The following LPAR1 variants were observed in gnomAD, a reference collection of about 807,000 sequenced individuals.
LPAR1 encodes the protein LPA receptor 1.
Under a neutral mutation model 23.8 loss-of-function variants are expected in LPAR1, and 5 were observed. The observed-to-expected ratio is 0.21, with a 90% CI of 0.11 to 0.44. LPAR1 has a LOEUF of 0.44. LPAR1 is among the 20% of genes least tolerant of loss of function. LPAR1 has a pLI of 0.99. For missense variants in LPAR1, 311 were observed against 482.8 expected, an observed-to-expected ratio of 0.64 and a Z score of 3.33; for synonymous variants, 160 against 164.7, an observed-to-expected ratio of 0.97 and a Z score of 0.22.
chr9:110,923,308 T>TGACC (rs1564475428), intron 5 of LPAR1, among the ~76,000 whole-genome samples: 2 of 152,190 alleles, frequency 1.3e-5, no homozygotes, highest in Admixed American at 6.5e-5. Context: ...TGACTTACAA[T>TGACC]GGTTTGATTT....
intron 5 of LPAR1, among the ~76,000 whole-genome samples, chr9:110,933,128 G>T (rs1388259118): frequency 1.3e-5 from 2 of 152,214 alleles, no homozygotes; most frequent in Non-Finnish European, 2.9e-5. Context: ...AACAAGTAGG[G>T]TGTAGGCAAA....
chr9:110,907,592 C>A (rs188632949), intron 5 of LPAR1, among the ~76,000 whole-genome samples: 11 of 152,246 alleles, frequency 7.2e-5, no homozygotes, highest in African/African-American at 1.7e-4. Context: ...ATTCTATATT[C>A]TCTCTTGACA....
intron 2 of LPAR1, among the ~76,000 whole-genome samples, chr9:111,011,896 T>C (rs1043765202): frequency 2.6e-5 from 4 of 152,152 alleles, no homozygotes; most frequent in Non-Finnish European, 4.4e-5. Context: ...TAATAATAAC[T>C]AAAGTCCCCA....
chr9:111,023,027 G>T (rs1194245961), intron 2 of LPAR1, among the ~76,000 whole-genome samples: 3 of 142,194 alleles, frequency 2.1e-5, no homozygotes, highest in African/African-American at 7.9e-5. Flanking sequence ...CTCCAGCCTG[G>T]GTGACACAGC....
intron 5 of LPAR1, among the ~76,000 whole-genome samples, chr9:110,893,396 T>C (rs1217455477): frequency 6.6e-6 from 1 of 152,200 alleles, no homozygotes; most frequent in South Asian, 2.1e-4. Flanking sequence ...ATTAAGCAGA[T>C]TGGCACTGCT....
At chr9:110,958,232 A>C (rs1213144289) in intron 4 of LPAR1, among the ~76,000 whole-genome samples, 1 of 152,226 alleles carries the variant, frequency 6.6e-6, no homozygotes, top group Admixed American at 6.5e-5. Context: ...AAACAATCCC[A>C]AAATTCATAC....
intron 4 of LPAR1, among the ~76,000 whole-genome samples, chr9:110,959,167 C>G (rs1411759283): frequency 4.9e-5 from 1 of 20,328 alleles, no homozygotes; most frequent in Non-Finnish European, 7.5e-5. Flanking sequence ...GAAGATGTCT[C>G]TACAAAAAAA....
chr9:110,894,832 G>A (rs905503442), intron 5 of LPAR1, among the ~76,000 whole-genome samples: 10 of 150,608 alleles, frequency 6.6e-5, no homozygotes, highest in Middle Eastern at 3.2e-3. Flanking sequence ...CCTGGGCAAC[G>A]AGCTGAAACC....
chr9:110,977,101 A>G (rs2096569136), intron 2 of LPAR1, among the ~76,000 whole-genome samples: 1 of 152,210 alleles, frequency 6.6e-6, no homozygotes, highest in Non-Finnish European at 1.5e-5. Context: ...GGACTAAAAC[A>G]CGATATCCTC....
intron 4 of LPAR1, among the ~76,000 whole-genome samples, chr9:110,947,852 A>G (rs1299407498): frequency 1.3e-5 from 2 of 152,240 alleles, no homozygotes; most frequent in Non-Finnish European, 2.9e-5. Flanking sequence ...ATGAATGTAA[A>G]TATGTACTCT....
At chr9:111,030,035 G>A (rs1287245072) in intron 2 of LPAR1, among the ~76,000 whole-genome samples, 1 of 129,014 alleles carries the variant, frequency 7.8e-6, no homozygotes, top group South Asian at 2.5e-4. Context: ...AATAAAGTGA[G>A]GCTCTGCCTC....
Position 110,875,497 on chromosome 9 carries a change from C to A in LPAR1, c.1019G>T (p.Gly340Val). The stretch of plus-strand genomic sequence containing the variant: ...GAGGGAGGAAGCCGAGCGGTCTGAG[C>A]CTTCTGTGGGGCCGGTGGGGTTCTC... ...RSENPTGPTE[G>V]SDRSASSLNH... Residue 340 changes from glycine (G) to valine (V), a missense_variant, in exon 6 of 6, where the codon GGC becomes GTC. By Grantham distance (109) the Gly-to-Val change is moderately radical. Transcript: ENST00000683809. The A allele has an allele frequency of 6.2e-7, 1 of 1,614,024 alleles. No homozygotes were observed. The highest frequency in any genetic ancestry group is 1.7e-5 in the Admixed American group (1 of 59,992).
intron 4 of LPAR1, among the ~76,000 whole-genome samples, chr9:110,961,229 A>T (rs1785388128): frequency 7.5e-6 from 1 of 134,202 alleles, no homozygotes; most frequent in African/African-American, 2.7e-5. Context: ...AAAAAAAAAA[A>T]GCCAAATGTG....
At chr9:111,006,824 A>G (rs1025092457) in intron 2 of LPAR1, among the ~76,000 whole-genome samples, 6 of 152,188 alleles carry the variant, frequency 3.9e-5, no homozygotes, top group Non-Finnish European at 8.8e-5. Flanking sequence ...AGACTGATAA[A>G]GGTAACTACC....
intron 2 of LPAR1, among the ~76,000 whole-genome samples, chr9:111,011,689 A>G (rs149249776): frequency 9.5e-4 from 145 of 152,236 alleles, no homozygotes; most frequent in African/African-American, 3.3e-3. Context: ...CAAGGATGAC[A>G]CCTAAAACAC....
chr9:110,961,668 C>T lies in LPAR1; in HGVS notation c.45+10405G>A, dbSNP rs375877330. On this transcript the variant is annotated intron_variant, in intron 4 of 5. Transcript: ENST00000683809. ...AAGAAAGAAAAAGAGGTTTAATGGA[C>T]TCACAGTTCCACATGTCTGGGGAGG... is the stretch of plus-strand genomic sequence containing the variant. Among the ~76,000 whole-genome samples the T allele has an allele frequency of 1.2e-4, 18 of 148,582 alleles. No homozygotes were observed. In the East Asian group the frequency reaches 2.6e-3, roughly 21 times the overall value.
intron 2 of LPAR1, among the ~76,000 whole-genome samples, chr9:111,023,123 T>G (rs1286242361): frequency 6.6e-6 from 1 of 150,866 alleles, no homozygotes; most frequent in Non-Finnish European, 1.5e-5. Context: ...ACAAAACTAC[T>G]TCAACAAACA....
chr9:110,972,061 T>G lies in LPAR1; in HGVS notation c.45+12A>C. On this transcript the variant is annotated intron_variant, in intron 4 of 5. Coordinates refer to ENST00000683809, the MANE Select transcript of LPAR1 (RefSeq NM_001351411.2). Reference sequence around the variant, plus strand: ...CGATTACCTCAGACCTCTGCTAGTTTGAAGCCCTTACCTGGGGCTGTGAAA... The same window carrying G: ...CGATTACCTCAGACCTCTGCTAGTTGGAAGCCCTTACCTGGGGCTGTGAAA... 6.2e-7 allele frequency: 1 copy of G among 1,612,562 alleles called. No homozygotes were observed. Among genetic ancestry groups the G allele is most frequent in the Non-Finnish European group, 8.5e-7 (1 of 1,178,614 alleles).
At chr9:111,033,135 A>G (rs1183979772) in intron 2 of LPAR1, among the ~76,000 whole-genome samples, 1 of 152,184 alleles carries the variant, frequency 6.6e-6, no homozygotes, top group Non-Finnish European at 1.5e-5. Flanking sequence ...GTTCTCTTTC[A>G]TTTCTGGAAA....
Sources: allele counts gnomAD v4.1 joint callset (sites outside exome capture counted in the v4.1 genomes callset), GRCh38; gene constraint gnomAD v4.1.1; transcripts MANE v1.5; gene names NCBI Gene and HGNC (gene_info 2026-07-23, HGNC 2026-07-21).